The following DNAH9 variants were observed in gnomAD, a reference collection of about 807,000 sequenced individuals.
DNAH9 encodes the protein DNAH9 variant protein.
Under a neutral mutation model 471.6 loss-of-function variants are expected in DNAH9, and 345 were observed. That is an observed-to-expected ratio of 0.73 (90% CI 0.67 to 0.80). The LOEUF (loss-of-function observed/expected upper bound fraction) is 0.80, where lower values mean the gene tolerates loss of function less well. Among genes scored for constraint, DNAH9 ranks in the 30% least tolerant of loss-of-function variants. DNAH9 has a pLI of 0.00. For missense variants in DNAH9, 5,407 were observed against 5,609.2 expected, an observed-to-expected ratio of 0.96 and a Z score of 1.15; for synonymous variants, 2,093 against 2,123.6, an observed-to-expected ratio of 0.99 and a Z score of 0.40.
At chr17:11,690,463 CTCTAT>C (rs1440937421) in intron 20 of DNAH9, 27 bp downstream of exon 20, 2 of 1,597,562 alleles carry the variant, frequency 1.3e-6, no homozygotes, top group Non-Finnish European at 1.7e-6. Context: ...TCTAGAATCT[CTCTAT>C]TCTCTGATCC....
chr17:11,941,095 T>C (rs570729139), intron 66 of DNAH9, among the ~76,000 whole-genome samples: 3 of 152,112 alleles, frequency 2.0e-5, no homozygotes, highest in Non-Finnish European at 2.9e-5. Context: ...ATTCAAATCA[T>C]TGTGCTCCTG....
At chr17:11,636,893 A>G in intron 9 of DNAH9, 109 bp downstream of exon 9, 2 of 1,032,184 alleles carry the variant, frequency 1.9e-6, no homozygotes, top group East Asian at 4.8e-5. Flanking sequence ...ACATTCTCAA[A>G]AAAGAGCAAG....
In DNAH9 at chr17:11,660,296, T is replaced by C. The variant is rs565411902; in HGVS notation, c.2596-4537T>C. ...ACAAATTTGATCTACCTCATTTGCA[T>C]TGTTATTCAGTTTTAAATGTTTCTT... On this transcript the variant is annotated intron_variant, in intron 14 of 68. Transcript: ENST00000262442. Among the ~76,000 whole-genome samples the C allele has an allele frequency of 5.3e-5, 8 of 151,428 alleles. No homozygotes were observed. In the East Asian group the frequency reaches 1.4e-3, roughly 26 times the overall value.
chr17:11,784,502 A>C lies in DNAH9; in HGVS notation c.8024A>C (p.Tyr2675Ser). 1 of 1,614,202 alleles carries C rather than the reference A, an allele frequency of 6.2e-7. No homozygotes were observed. The highest frequency in any genetic ancestry group is 8.5e-7 in the Non-Finnish European group (1 of 1,180,026). The stretch of plus-strand genomic sequence containing the variant: ...CTACCCACAGGAATCAAATTCCACT[A>C]CATCTTCAACCTCAGAGATTTTGCC... ...TFLPTGIKFH[Y>S]IFNLRDFANI... is the part of the protein sequence containing the mutation. The change falls in exon 41 of 69, where the codon TAC (tyrosine) becomes TCC (serine). Residue 2675 changes from tyrosine to serine, a missense_variant. This residue lies in a region of DNAH9 where 4,636 missense variants were observed against 4,900.3 expected (regional missense o/e 0.95). Coordinates refer to ENST00000262442, the MANE Select transcript of DNAH9 (RefSeq NM_001372.4).
intron 35 of DNAH9, among the ~76,000 whole-genome samples, 177 bp from the exon 36 acceptor site, chr17:11,763,263 T>C (rs1464636532): frequency 1.3e-5 from 2 of 152,058 alleles, no homozygotes; most frequent in Non-Finnish European, 2.9e-5. Flanking sequence ...CAAAGGAAGC[T>C]GGCGCGAGAA....
chr17:11,604,964 T>C (rs934437273), intron 1 of DNAH9, among the ~76,000 whole-genome samples: 6 of 152,148 alleles, frequency 3.9e-5, no homozygotes, highest in Admixed American at 1.3e-4. Context: ...CTTTCAATGA[T>C]GTCCATTTCT....
chr17:11,679,219 G>A (rs2074094349), intron 17 of DNAH9, among the ~76,000 whole-genome samples: 1 of 152,156 alleles, frequency 6.6e-6, no homozygotes, highest in African/African-American at 2.4e-5. Flanking sequence ...TGATATAAAG[G>A]CCTACTGAAA....
chr17:11,843,857 G>A (rs1270847431), intron 49 of DNAH9, among the ~76,000 whole-genome samples: 383 of 9,236 alleles, frequency 0.041, 1 homozygote, highest in Non-Finnish European at 0.073. Context: ...GTGTGTGTGT[G>A]TGTGTGTATA....
chr17:11,921,660 G>C (rs1029163155), intron 61 of DNAH9, among the ~76,000 whole-genome samples: 3 of 152,122 alleles, frequency 2.0e-5, no homozygotes, highest in Non-Finnish European at 4.4e-5. Context: ...GGTTACCTCC[G>C]CACCCATGAG....
At position 11,920,492 on chromosome 17, in the gene DNAH9, G is replaced by T. The variant is rs192704432; in HGVS notation, c.11750-3322G>T. 5.1e-3 allele frequency among the ~76,000 whole-genome samples: 772 copies of T among 151,666 alleles called. 7 individuals are homozygous for T. Among genetic ancestry groups the T allele is most frequent in the African/African-American group, 0.018 (745 of 41,450 alleles). On this transcript the variant is annotated intron_variant, in intron 61 of 68. Transcript: ENST00000262442. Reference sequence around the variant, plus strand: ...ACAAATTAGCTGGGCATGGTGGCGTGTGCCTGTAGTCTCAGCTACTCGGGA... The same window carrying T: ...ACAAATTAGCTGGGCATGGTGGCGTTTGCCTGTAGTCTCAGCTACTCGGGA...
intron 43 of DNAH9, among the ~76,000 whole-genome samples, chr17:11,798,374 A>G (rs1249527076): frequency 1.4e-5 from 2 of 137,952 alleles, no homozygotes; most frequent in Admixed American, 1.6e-4. Context: ...CCCAGGTTGC[A>G]GTGGGCCAAG....
intron 7 of DNAH9, chr17:11,630,052 G>A (rs2073038540): frequency 6.5e-6 from 1 of 154,610 alleles, no homozygotes. Flanking sequence ...GAAATGGGGA[G>A]GTGGTGGTCA....
intron 27 of DNAH9, among the ~76,000 whole-genome samples, chr17:11,721,011 TAAGTAGAGTCTCCCA>T (rs1376532537): frequency 7.2e-6 from 1 of 138,938 alleles, no homozygotes; most frequent in African/African-American, 2.5e-5. Context: ...ACTGCCAAAG[TAAGTAGAGTCTCCCA>T]AAGGGAACAT....
At chr17:11,829,163 G>T (rs1388900974) in intron 48 of DNAH9, among the ~76,000 whole-genome samples, 1 of 152,150 alleles carries the variant, frequency 6.6e-6, no homozygotes, top group Non-Finnish European at 1.5e-5. Context: ...TCCTAACTCT[G>T]TAACAAACTC....
chr17:11,889,139 C>T (rs895156383), intron 57 of DNAH9, among the ~76,000 whole-genome samples: 1 of 152,336 alleles, frequency 6.6e-6, no homozygotes, highest in Middle Eastern at 3.4e-3. Flanking sequence ...AGACACCTCA[C>T]TGGGTTCTCC....
At chr17:11,857,026 A>G (rs970388162) in intron 50 of DNAH9, among the ~76,000 whole-genome samples, 12 of 152,134 alleles carry the variant, frequency 7.9e-5, no homozygotes, top group Non-Finnish European at 1.6e-4. Flanking sequence ...TGTCCAGCCC[A>G]TATTCCTGCT....
At chr17:11,710,461 GTAGTTTAT>G (rs1194876510) in intron 26 of DNAH9, among the ~76,000 whole-genome samples, 2 of 152,094 alleles carry the variant, frequency 1.3e-5, no homozygotes, top group African/African-American at 4.8e-5. Flanking sequence ...ACTCTCACTA[GTAGTTTAT>G]TAAAGTATTA....
chr17:11,755,930 C>A (rs191361527), intron 33 of DNAH9, among the ~76,000 whole-genome samples: 3 of 152,226 alleles, frequency 2.0e-5, no homozygotes, highest in Non-Finnish European at 4.4e-5. Flanking sequence ...AAAGGCGCGT[C>A]TTACATGGCA....
At chr17:11,737,332 A>T (rs1272260960) in intron 28 of DNAH9, among the ~76,000 whole-genome samples, 1 of 69,064 alleles carries the variant, frequency 1.4e-5, no homozygotes, top group African/African-American at 5.4e-5. Flanking sequence ...CCCCCCACCC[A>T]CCCCTCCCAC....
Sources: allele counts gnomAD v4.1 joint callset (sites outside exome capture counted in the v4.1 genomes callset), GRCh38; gene constraint gnomAD v4.1.1; regional missense constraint gnomAD v4.1.1; transcripts MANE v1.5; gene names NCBI Gene and HGNC (gene_info 2026-07-23, HGNC 2026-07-21).